The following ALDH1A3 variants were observed in gnomAD, a reference collection of about 807,000 sequenced individuals.
The protein encoded by ALDH1A3 is aldehyde dehydrogenase 1 family member A3.
ALDH1A3 carries 28 observed loss-of-function variants against 57.5 expected under a neutral mutation model. That is an observed-to-expected ratio of 0.49 (90% CI 0.36 to 0.67). The LOEUF (loss-of-function observed/expected upper bound fraction) is 0.67. Ranked by LOEUF, ALDH1A3 falls within the 30% of genes least tolerant of loss-of-function variation. The pLI is 0.00. For missense variants in ALDH1A3, 507 were observed against 669.4 expected (o/e 0.76, Z 2.68); for synonymous variants, 281 against 264.8 (o/e 1.06, Z -0.59).
At chr15:100,904,945 A>T (rs1567173230) in intron 9 of ALDH1A3, among the ~76,000 whole-genome samples, 1 of 152,234 alleles carries the variant, frequency 6.6e-6, no homozygotes, top group Non-Finnish European at 1.5e-5. Context: ...TGACAGGAGA[A>T]TTCCAGTAAC....
intron 12 of ALDH1A3, chr15:100,913,260 A>T (rs1191578920): frequency 1.3e-5 from 2 of 152,268 alleles, no homozygotes; most frequent in East Asian, 3.8e-4. Flanking sequence ...TTACCATAAC[A>T]TCAGTGGCTT....
rs768001237 is a variant in ALDH1A3 at position 100,885,336 on chromosome 15, CG to C, written c.172del (p.Glu58SerfsTer37). The C allele has an allele frequency of 6.2e-7, 1 of 1,613,518 alleles. No individual in the cohort carries two copies. ...KKFATCNPST[R>X]EQICEVEEGD... ...GTTTGCTACATGTAACCCTTCAACT[CG>C]GGAGCAAATATGTGAAGTGGAAGAA... On this transcript the variant is annotated frameshift_variant, in exon 2 of 13. Transcript: ENST00000329841. LOFTEE classifies it high-confidence loss of function.
At chr15:100,905,435 C>T in intron 9 of ALDH1A3, 88 bp from the exon 10 acceptor site, 1 of 1,513,276 alleles carries the variant, frequency 6.6e-7, no homozygotes, top group Non-Finnish European at 9.1e-7. Context: ...GGGAGGATGG[C>T]TGATCATGTT....
At chr15:100,885,440 C>A in intron 2 of ALDH1A3, 69 bp downstream of exon 2, 5 of 1,231,894 alleles carry the variant, frequency 4.1e-6, no homozygotes, top group South Asian at 2.5e-5. Flanking sequence ...GGAAACGGTT[C>A]GGCTTAGCTA....
At chr15:100,883,624 T>C (rs1407392746) in intron 1 of ALDH1A3, among the ~76,000 whole-genome samples, 1 of 151,220 alleles carries the variant, frequency 6.6e-6, no homozygotes, top group Non-Finnish European at 1.5e-5. Flanking sequence ...GCTTCCTCAC[T>C]ATGAGCTTCA....
chr15:100,896,311 T>G (rs1025872173), intron 7 of ALDH1A3, among the ~76,000 whole-genome samples: 1 of 151,674 alleles, frequency 6.6e-6, no homozygotes, highest in Non-Finnish European at 1.5e-5. Flanking sequence ...ACACCATAAT[T>G]AAGATTAAGA....
intron 10 of ALDH1A3, among the ~76,000 whole-genome samples, chr15:100,905,964 G>A (rs966417548): frequency 2.6e-5 from 4 of 152,144 alleles, no homozygotes; most frequent in African/African-American, 9.7e-5. Context: ...CTCTCTGGGA[G>A]CAGCAAGCCC....
intron 2 of ALDH1A3, among the ~76,000 whole-genome samples, chr15:100,886,984 G>A (rs1037140884): frequency 1.3e-5 from 2 of 152,224 alleles, no homozygotes; most frequent in African/African-American, 2.4e-5. Context: ...GCTCGTGTGC[G>A]TTCACACTGA....
intron 11 of ALDH1A3, among the ~76,000 whole-genome samples, chr15:100,907,781 G>T (rs1195000014): frequency 7.4e-5 from 11 of 149,202 alleles, no homozygotes; most frequent in Admixed American, 7.3e-4. Context: ...GGTCAGTTCT[G>T]TCTCATTTCA....
intron 1 of ALDH1A3, among the ~76,000 whole-genome samples, chr15:100,884,725 G>A (rs983385462): frequency 2.0e-5 from 3 of 152,154 alleles, no homozygotes; most frequent in East Asian, 1.9e-4. Flanking sequence ...ATGCTGATGT[G>A]CATTGGTGAA....
rs3803431 is a variant in ALDH1A3, at chr15:100,905,561, C to A, written c.1107C>A (p.Ile369=). The A allele has an allele frequency of 4.2e-4, 673 of 1,614,092 alleles. 7 individuals are homozygous for A. In the East Asian group the frequency reaches 0.014, roughly 33 times the overall value. Residue 369 remains isoleucine (I), a synonymous_variant, in exon 10 of 13, where the codon ATC becomes ATA. Transcript: ENST00000329841. ...AGTTCGACAAAATCTTAGAGCTGAT[C>A]GAGAGTGGGAAGAAGGAAGGGGCCA... ...QKQFDKILEL[I]ESGKKEGAKL...
At chr15:100,892,785 G>T in intron 4 of ALDH1A3, 146 bp downstream of exon 4, 1 of 1,356,610 alleles carries the variant, frequency 7.4e-7, no homozygotes, top group Non-Finnish European at 1.0e-6. Context: ...CTTCTTCTAA[G>T]AACTTCACTT....
rs4646667 is a variant in ALDH1A3 at position 100,894,365 on chromosome 15, A to AGG, written c.666+289_666+290dup. 25 of 274,788 alleles carry AGG rather than the reference A, an allele frequency of 9.1e-5. No individual in the cohort carries two copies. Among genetic ancestry groups the AGG allele is most frequent in the African/African-American group, 5.4e-4 (25 of 46,156 alleles). 17.0% of individuals were successfully genotyped at this position (274,788 alleles called of 1,614,324 possible). A position where few individuals can be genotyped will look rare whatever the true frequency, so the allele number is the denominator to read the frequency against. On this transcript the variant is annotated intron_variant, in intron 6 of 12. Transcript: ENST00000329841. The surrounding 1 kb of genome is among the most constrained non-coding windows in gnomAD (Gnocchi z 4.5). The stretch of plus-strand genomic sequence containing the variant: ...CCAGTGGTTTGTCTAGAGAATTTTC[A>AGG]GGGGGGGTCAACCAAGAGGGAGCCA...
chr15:100,905,274 G>A (rs756658455), intron 9 of ALDH1A3, among the ~76,000 whole-genome samples: 7 of 152,226 alleles, frequency 4.6e-5, no homozygotes, highest in Non-Finnish European at 1.0e-4. Context: ...GGAGATAGAA[G>A]TGTAAATATG....
At position 100,885,138 on chromosome 15, in the gene ALDH1A3, G is replaced by A. The variant is rs74041816; in HGVS notation, c.100-129G>A. On this transcript the variant is annotated intron_variant, in intron 1 of 12. Coordinates refer to ENST00000329841, the MANE Select transcript of ALDH1A3 (RefSeq NM_000693.4). ...CTCCGGGTCTCATCTATAAGATGTC[G>A]AAGGGGAGAGGGAAGCAGCAGAGAG... 5.1e-3 allele frequency: 3,398 copies of A among 670,460 alleles called. 75 individuals carry two copies. The highest frequency in any genetic ancestry group is 0.05 in the African/African-American group (2,788 of 56,282). The allele number at this position is 670,460 out of a possible 1,614,324, so 41.5% of individuals were successfully genotyped here. A position where few individuals can be genotyped will look rare whatever the true frequency, so the allele number is the denominator to read the frequency against.
At chr15:100,895,840 G>A (rs2041696894) in intron 6 of ALDH1A3, 93 bp from the exon 7 acceptor site, 1 of 1,113,202 alleles carries the variant, frequency 9.0e-7, no homozygotes, top group African/African-American at 1.5e-5. Flanking sequence ...TCCCTGTGGG[G>A]ATGTGAGGCA....
Position 100,894,268 on chromosome 15 carries a change from A to C in ALDH1A3, c.666+186A>C. 1.5e-6 allele frequency: 1 copy of C among 652,614 alleles called. No homozygotes were observed. Among genetic ancestry groups the C allele is most frequent in the Admixed American group, 3.0e-5 (1 of 33,106 alleles). The allele number at this position is 652,614 out of a possible 1,614,324, so 40.4% of individuals were successfully genotyped here. A position where few individuals can be genotyped will look rare whatever the true frequency, so the allele number is the denominator to read the frequency against. Reference sequence around the variant, plus strand: ...TGCTTGTGGCCACTGAGCTGGAGAAACTCCATTCCTCCCAGTGGTCCTAAT... The same window carrying C: ...TGCTTGTGGCCACTGAGCTGGAGAACCTCCATTCCTCCCAGTGGTCCTAAT... On this transcript the variant is annotated intron_variant, in intron 6 of 12. Transcript: ENST00000329841. This position sits in a 1 kb window ranked among gnomAD's most constrained non-coding sequence, Gnocchi z 4.5.
At chr15:100,909,769 A>ACACT (rs1414374607) in intron 12 of ALDH1A3, among the ~76,000 whole-genome samples, 1 of 152,210 alleles carries the variant, frequency 6.6e-6, no homozygotes, top group East Asian at 1.9e-4. Flanking sequence ...TTCCAGCCGG[A>ACACT]CACTGTCTTC....
rs1464932454 is a variant in ALDH1A3 at position 100,906,663 on chromosome 15, C to CTGGTAGTTATTATGGAAACGT, written c.1234-456_1234-436dup. 2.0e-5 allele frequency among the ~76,000 whole-genome samples: 3 copies of CTGGTAGTTATTATGGAAACGT among 152,160 alleles called. No individual in the cohort carries two copies. The highest frequency in any genetic ancestry group is 2.1e-4 in the South Asian group (1 of 4,830). ...GGTGAATATTGTGTCATTCCTTCCC[C>CTGGTAGTTATTATGGAAACGT]TGGTAGTTATTATGGAAACGTTCTA... On this transcript the variant is annotated intron_variant, in intron 10 of 12. Coordinates refer to ENST00000329841, the MANE Select transcript of ALDH1A3 (RefSeq NM_000693.4). This position sits in a 1 kb window ranked among gnomAD's most constrained non-coding sequence, Gnocchi z 4.8.
Sources: gnomAD v4.1 joint callset for allele counts (sites outside exome capture counted in the v4.1 genomes callset) on GRCh38, gnomAD v4.1.1 for gene constraint, Gnocchi (gnomAD v3.1) non-coding constraint, MANE v1.5 for transcripts, NCBI Gene and HGNC (gene_info 2026-07-23, HGNC 2026-07-21) for gene names.